Variants in SPDYE21 observed in about 807,000 individuals in gnomAD.
The protein encoded by SPDYE21 is speedy protein E21.
Under a neutral mutation model 36.2 loss-of-function variants are expected in SPDYE21, and 14 were observed. The ratio of observed to expected loss-of-function variants is 0.39; its 90% CI spans 0.26 to 0.61. The LOEUF is 0.61. SPDYE21 is among the 20% of genes least tolerant of loss of function. The pLI, the probability that SPDYE21 is intolerant of heterozygous loss-of-function variation, is 0.55. For synonymous variants in SPDYE21, 58 were observed against 155.1 expected (o/e 0.37, Z 4.65); for missense variants, 233 against 424.6 (o/e 0.55, Z 3.97).
intron 6 of SPDYE21, among the ~76,000 whole-genome samples, chr7:67,284,448 CAAAA>C (rs3980859): frequency 1.3e-4 from 5 of 38,288 alleles, no homozygotes; most frequent in South Asian, 1.2e-3. Context: ...GACTTTTTCT[CAAAA>C]AAAAAAAAAA....
chr7:67,284,403 C>T (rs1231324124), intron 6 of SPDYE21, among the ~76,000 whole-genome samples: 5 of 139,250 alleles, frequency 3.6e-5, no homozygotes, highest in African/African-American at 1.4e-4. Context: ...AAGCTAAGGT[C>T]GAGCCACTGC....
chr7:67,286,694 G>A (rs1802742061), intron 8 of SPDYE21, among the ~76,000 whole-genome samples, 30 bp downstream of exon 8: 2 of 152,194 alleles, frequency 1.3e-5, no homozygotes, highest in South Asian at 4.1e-4. Context: ...GGTAAAGGCA[G>A]AATATTGGGG....
rs1303874148 is a variant in SPDYE21 at position 67,286,293 on chromosome 7, T to C, written c.1005T>C (p.Arg335=). The change falls in exon 7 of 9, where the codon CGT becomes CGC. Residue 335 remains arginine, a synonymous_variant. Coordinates refer to ENST00000424157, the MANE Select transcript of SPDYE21 (RefSeq NM_001382715.2). ...ACCGCTCTCGCATACCCTTGGTCCG[T>C]AAGCGTCGGTTCCAGTTACGCCGTT... ...RKYRSRIPLV[R]KRRFQLRRCM... The C allele has an allele frequency of 6.2e-7, 1 of 1,600,928 alleles. No individual in the cohort carries two copies. The highest frequency in any genetic ancestry group is 8.5e-7 in the Non-Finnish European group (1 of 1,170,200).
Position 67,279,977 on chromosome 7 carries a change from A to T in SPDYE21, c.320A>T (p.Lys107Met). 1.9e-6 allele frequency: 3 copies of T among 1,575,078 alleles called. No individual in the cohort carries two copies. The highest frequency in any genetic ancestry group is 2.6e-6 in the Non-Finnish European group (3 of 1,167,392). ...CTGTGTGGGCTTAAGATGAAGCTGA[A>T]GCAACAGCGAGTGTCACCCATCCTC... ...ETLCGLKMKL[K>M]QQRVSPILPE... Residue 107 changes from lysine to methionine, a missense_variant, in exon 3 of 9, where the codon AAG (lysine) becomes ATG (methionine). By Grantham distance (95) the Lys-to-Met change is moderately conservative. Coordinates refer to ENST00000424157, the MANE Select transcript of SPDYE21 (RefSeq NM_001382715.2).
At chr7:67,284,023 C>T (rs1310159736) in intron 6 of SPDYE21, 25 bp downstream of exon 6, 19 of 727,712 alleles carry the variant, frequency 2.6e-5, no homozygotes, top group Middle Eastern at 3.8e-4. Flanking sequence ...GCCTCCTATC[C>T]GTCAATATCC....
chr7:67,287,097 T>C (rs1386032430), intron 8 of SPDYE21, among the ~76,000 whole-genome samples: 6 of 151,668 alleles, frequency 4.0e-5, no homozygotes, highest in Admixed American at 6.6e-5. Flanking sequence ...CATGAGGAGG[T>C]AGGATTAAGG....
chr7:67,277,279 A>G (rs1479248523), intron 1 of SPDYE21, among the ~76,000 whole-genome samples: 1 of 151,526 alleles, frequency 6.6e-6, no homozygotes, highest in Non-Finnish European at 1.5e-5. Context: ...GGCTGGTCTC[A>G]AACTCCTGAC....
chr7:67,286,230 C>T lies in SPDYE21; in HGVS notation c.942C>T (p.Phe314=). ...SRIPLLRKRR[F]QLGRSMNPRA... is the part of the protein sequence containing the mutation. ...TACCCTTGCTCCGTAAGCGTCGGTT[C>T]CAGTTAGGCCGTTCCATGAACCCGA... Residue 314 remains phenylalanine, a synonymous_variant, in exon 7 of 9, where the codon TTC becomes TTT. Transcript: ENST00000424157. 3 of 1,612,968 alleles carry T rather than the reference C, an allele frequency of 1.9e-6. No homozygotes were observed. The highest frequency in any genetic ancestry group is 2.5e-6 in the Non-Finnish European group (3 of 1,179,200).
Position 67,278,874 on chromosome 7 carries a change from G to C in SPDYE21, c.160+1G>C, listed in dbSNP as rs200901905. Among the ~76,000 whole-genome samples the C allele has an allele frequency of 1.3e-5, 2 of 150,340 alleles. No homozygotes were observed. The highest frequency in any genetic ancestry group is 4.0e-4 in the East Asian group (2 of 5,060). On this transcript the variant is annotated splice_donor_variant, in intron 2 of 8. Transcript: ENST00000424157. LOFTEE classifies it high-confidence loss of function. ...GATGATGAAGTGTTGGGACCATCAGGTGAGGGGACTGGTGGAAGAAGAGGT... is the reference window on the plus strand; with the variant it reads ...GATGATGAAGTGTTGGGACCATCAGCTGAGGGGACTGGTGGAAGAAGAGGT...
intron 4 of SPDYE21, 110 bp from the exon 5 acceptor site, chr7:67,282,525 G>A (rs552191224): frequency 4.2e-5 from 59 of 1,399,180 alleles, no homozygotes; most frequent in South Asian, 2.7e-4. Context: ...CACCTCACCC[G>A]CGGCCACAAT....
At chr7:67,285,663 T>A (rs1286967917) in intron 6 of SPDYE21, among the ~76,000 whole-genome samples, 1 of 152,262 alleles carries the variant, frequency 6.6e-6, no homozygotes, top group Non-Finnish European at 1.5e-5. Flanking sequence ...GTGCTGGGAT[T>A]ACAGGCATGA....
At chr7:67,277,776 C>A (rs1298915460) in intron 1 of SPDYE21, among the ~76,000 whole-genome samples, 1 of 147,702 alleles carries the variant, frequency 6.8e-6, no homozygotes, top group Admixed American at 6.9e-5. Flanking sequence ...TCATAGAATC[C>A]ATAAATGGAA....
chr7:67,281,804 G>A (rs1157582131), intron 4 of SPDYE21, among the ~76,000 whole-genome samples, 200 bp downstream of exon 4: 1 of 152,150 alleles, frequency 6.6e-6, no homozygotes, highest in African/African-American at 2.4e-5. Context: ...TCAGTGCTTG[G>A]GATAAGAAAG....
In SPDYE21 at chr7:67,286,407, G is replaced by A. The variant is rs147285645; in HGVS notation, c.1119G>A (p.Arg373=). The change falls in exon 7 of 9, where the codon AGG becomes AGA. Residue 373 remains arginine, a synonymous_variant. Coordinates refer to ENST00000424157, the MANE Select transcript of SPDYE21 (RefSeq NM_001382715.2). Reference sequence around the variant, plus strand: ...AGTTCTTCTGTTCCATGAGCGGCAGGGCTTGGGTTTCCCCGGAGGAGTTGG... The same window carrying A: ...AGTTCTTCTGTTCCATGAGCGGCAGAGCTTGGGTTTCCCCGGAGGAGTTGG... The part of the protein sequence containing the change: ...RFQFFCSMSG[R]AWVSPEELEE... Among the ~76,000 whole-genome samples the A allele has an allele frequency of 0.045, 6,839 of 152,208 alleles. 473 individuals are homozygous for A. The highest frequency in any genetic ancestry group is 0.15 in the African/African-American group (6,425 of 41,500).
intron 1 of SPDYE21, among the ~76,000 whole-genome samples, chr7:67,277,537 G>A (rs1302891990): frequency 2.0e-5 from 3 of 151,992 alleles, no homozygotes; most frequent in African/African-American, 7.2e-5. Flanking sequence ...TGTCACATGA[G>A]TCTCCCAAGT....
chr7:67,279,618 CG>C (rs1802596843), intron 2 of SPDYE21, among the ~76,000 whole-genome samples, 199 bp from the exon 3 acceptor site: 1 of 151,842 alleles, frequency 6.6e-6, no homozygotes, highest in South Asian at 2.1e-4. Context: ...AAGCAGTGTT[CG>C]GAGGACAGAG....
Position 67,288,131 on chromosome 7 carries a change from G to A in SPDYE21, c.*659G>A, listed in dbSNP as rs1388923401. Among the ~76,000 whole-genome samples, 14 of 151,682 alleles carry A rather than the reference G, an allele frequency of 9.2e-5. No individual in the cohort carries two copies. Among genetic ancestry groups the A allele is most frequent in the African/African-American group, 2.4e-5 (1 of 41,394 alleles). On this transcript the variant is annotated 3_prime_UTR_variant, in exon 9 of 9. Coordinates refer to ENST00000424157, the MANE Select transcript of SPDYE21 (RefSeq NM_001382715.2). The stretch of plus-strand genomic sequence containing the variant: ...AAGATAATTTTCTTTTCATTTTTAA[G>A]AGACAATTCTTTTTATCCTAAATAT...
chr7:67,286,401 C>T lies in SPDYE21; in HGVS notation c.1113C>T (p.Ser371=), dbSNP rs1031452187. The change falls in exon 7 of 9, where the codon AGC becomes AGT. Residue 371 remains serine, a synonymous_variant. Transcript: ENST00000424157. ...KLRFQFFCSM[S]GRAWVSPEEL... is the part of the protein sequence containing the mutation. ...GGTTCCAGTTCTTCTGTTCCATGAG[C>T]GGCAGGGCTTGGGTTTCCCCGGAGG... Among the ~76,000 whole-genome samples, 1 of 151,904 alleles carries T rather than the reference C, an allele frequency of 6.6e-6. No homozygotes were observed. The highest frequency in any genetic ancestry group is 2.4e-5 in the African/African-American group (1 of 41,336).
rs1216494028 is a variant in SPDYE21 at position 67,286,036 on chromosome 7, A to G, written c.756-8A>G. ...GCCCCTGAGCAGCAACCTGATTTCT[A>G]TCCTCAGCTACCTGGCCAATGACAT... is the stretch of plus-strand genomic sequence containing the variant. On this transcript the variant is annotated splice_polypyrimidine_tract_variant and splice_region_variant and intron_variant, in intron 6 of 8. Transcript: ENST00000424157. 2 of 1,612,702 alleles carry G rather than the reference A, an allele frequency of 1.2e-6. No homozygotes were observed. Among genetic ancestry groups the G allele is most frequent in the East Asian group, 2.2e-5 (1 of 44,862 alleles).
Sources: gnomAD v4.1 joint callset for allele counts (sites outside exome capture counted in the v4.1 genomes callset) on GRCh38, gnomAD v4.1.1 for gene constraint, MANE v1.5 for transcripts, NCBI Gene and HGNC (gene_info 2026-07-23, HGNC 2026-07-21) for gene names.